ADAM22: variants seen among roughly 807,000 people sequenced by gnomAD.
ADAM22 encodes ADAM metallopeptidase domain 22, also known as disintegrin and metalloproteinase domain-containing protein 22.
ADAM22 carries 65 observed loss-of-function variants against 144.6 expected under a neutral mutation model. The observed-to-expected ratio is 0.45, with a 90% CI of 0.37 to 0.55. ADAM22 has a LOEUF of 0.55. Ranked by LOEUF, ADAM22 falls within the 20% of genes least tolerant of loss-of-function variation. The probability of loss-of-function intolerance (pLI) is 0.00; values close to 1 mark genes in which losing one functional copy is unlikely to be tolerated. For synonymous variants in ADAM22, 391 were observed against 412.6 expected (o/e 0.95, Z 0.63); for missense variants, 974 against 1,184.9 (o/e 0.82, Z 2.61).
rs1056634922 is a variant in ADAM22, at chr7:88,202,388, A to C, written c.*5897A>C. 2.0e-5 allele frequency: 3 copies of C among 152,174 alleles called. No homozygotes were observed. Among genetic ancestry groups the C allele is most frequent in the Non-Finnish European group, 4.4e-5 (3 of 68,042 alleles). 9.4% of individuals were successfully genotyped at this position (152,174 alleles called of 1,614,324 possible). A position where few individuals can be genotyped will look rare whatever the true frequency, so the allele number is the denominator to read the frequency against. On this transcript the variant is annotated 3_prime_UTR_variant, in exon 32 of 32. Transcript: ENST00000413139. Reference sequence around the variant, plus strand: ...GTTTTACCTAAACATAGTAGCTTACATGTTAGCCAGCAGTAGGTCGGCACT... The same window carrying C: ...GTTTTACCTAAACATAGTAGCTTACCTGTTAGCCAGCAGTAGGTCGGCACT...
chr7:88,116,630 C>T, intron 6 of ADAM22, 115 bp from the exon 7 acceptor site: 1 of 783,570 alleles, frequency 1.3e-6, no homozygotes, highest in South Asian at 1.7e-5. Context: ...CTCTCTAAAC[C>T]CAGGAGAATG....
chr7:88,163,233 A>G, intron 23 of ADAM22, 53 bp downstream of exon 23: 3 of 1,444,684 alleles, frequency 2.1e-6, no homozygotes, highest in Non-Finnish European at 2.8e-6. Context: ...ACAGAAATAG[A>G]CAGGACCCTA....
chr7:87,953,414 A>C (rs1268955371), intron 2 of ADAM22, among the ~76,000 whole-genome samples: 1 of 152,186 alleles, frequency 6.6e-6, no homozygotes. Context: ...GTAGTCATTC[A>C]GGAGCAGGTT....
intron 3 of ADAM22, among the ~76,000 whole-genome samples, chr7:87,986,937 T>G (rs933487959): frequency 1.3e-5 from 2 of 152,190 alleles, no homozygotes; most frequent in Admixed American, 1.3e-4. Flanking sequence ...ATACATACTA[T>G]TTTTATATTT....
At chr7:88,116,022 A>C (rs765578305) in intron 6 of ADAM22, among the ~76,000 whole-genome samples, 2 of 152,224 alleles carry the variant, frequency 1.3e-5, no homozygotes, top group Non-Finnish European at 2.9e-5. Context: ...AGAAACATGC[A>C]TGGCTTTGTC....
intron 2 of ADAM22, among the ~76,000 whole-genome samples, chr7:87,965,221 T>TTGAC (rs1215189743): frequency 6.6e-6 from 1 of 152,238 alleles, no homozygotes; most frequent in Non-Finnish European, 1.5e-5. Flanking sequence ...TCTCTGGTGT[T>TTGAC]TGACAGTCAA....
chr7:87,985,629 AT>A (rs1211665140), intron 3 of ADAM22, among the ~76,000 whole-genome samples: 3 of 152,144 alleles, frequency 2.0e-5, no homozygotes, highest in African/African-American at 4.8e-5. Context: ...CATCCATGCT[AT>A]ATGTGTCAGT....
chr7:88,034,915 A>G (rs555962158), intron 3 of ADAM22, among the ~76,000 whole-genome samples: 13 of 152,220 alleles, frequency 8.5e-5, no homozygotes, highest in Admixed American at 2.6e-4. Context: ...GCTGTTGGCA[A>G]TTGAAGACTG....
intron 3 of ADAM22, among the ~76,000 whole-genome samples, chr7:87,982,966 C>A (rs1344174045): frequency 6.6e-6 from 1 of 151,728 alleles, no homozygotes; most frequent in African/African-American, 2.4e-5. Context: ...GCTGGGATTA[C>A]AAGTATGAGC....
chr7:88,141,213 G>A (rs1318182612), intron 14 of ADAM22, among the ~76,000 whole-genome samples: 2 of 152,192 alleles, frequency 1.3e-5, no homozygotes, highest in Non-Finnish European at 2.9e-5. Flanking sequence ...GAAAGAGCAG[G>A]CTGCAAGGCA....
intron 14 of ADAM22, among the ~76,000 whole-genome samples, chr7:88,141,298 A>C (rs577179396): frequency 6.6e-6 from 1 of 152,344 alleles, no homozygotes; most frequent in African/African-American, 2.4e-5. Flanking sequence ...TTGTCTGCTT[A>C]GAGGAAGTGG....
chr7:88,095,543 G>T (rs2282957), intron 4 of ADAM22, among the ~76,000 whole-genome samples: 84,056 of 151,820 alleles, frequency 0.55, 24,345 homozygotes, highest in East Asian at 0.88. Flanking sequence ...CCTTATAATC[G>T]GCTTGCCTGA....
At chr7:88,067,359 C>T (rs560489116) in intron 3 of ADAM22, among the ~76,000 whole-genome samples, 1 of 151,658 alleles carries the variant, frequency 6.6e-6, no homozygotes, top group African/African-American at 2.4e-5. Context: ...ACTCGTCATT[C>T]AGCATTAGGT....
At chr7:87,985,054 G>T (rs376743984) in intron 3 of ADAM22, among the ~76,000 whole-genome samples, 1 of 150,374 alleles carries the variant, frequency 6.7e-6, no homozygotes. Context: ...TGGCTCACGC[G>T]TGTAATCCCA....
At chr7:88,023,830 C>T (rs1219592794) in intron 3 of ADAM22, among the ~76,000 whole-genome samples, 1 of 151,786 alleles carries the variant, frequency 6.6e-6, no homozygotes, top group Non-Finnish European at 1.5e-5. Context: ...CCCACTTCCC[C>T]CCTACCCTCC....
intron 15 of ADAM22, 137 bp from the exon 16 acceptor site, chr7:88,144,988 T>G: frequency 1.5e-6 from 1 of 666,860 alleles, no homozygotes; most frequent in South Asian, 2.2e-5. Context: ...AGCTCATGCT[T>G]TCTAGTTTAG....
At chr7:88,174,515 T>C (rs536968567) in intron 26 of ADAM22, among the ~76,000 whole-genome samples, 1 of 152,304 alleles carries the variant, frequency 6.6e-6, no homozygotes, top group South Asian at 2.1e-4. Flanking sequence ...GTTGATATTA[T>C]TGTTTATATT....
Position 88,046,104 on chromosome 7 carries a change from A to G in ADAM22, c.324-29522A>G, listed in dbSNP as rs151308146. 2.0e-5 allele frequency among the ~76,000 whole-genome samples: 3 copies of G among 152,250 alleles called. No homozygotes were observed. The East Asian group carries it at 5.8e-4, about 29-fold the overall frequency. ...CCCAGAAGGGGGAGTGCTGGATCAT[A>G]TCATAGTTCTATTTTTAATTCTTGG... On this transcript the variant is annotated intron_variant, in intron 3 of 31. Transcript: ENST00000413139.
chr7:88,059,484 A>AC (rs1349308011), intron 3 of ADAM22, among the ~76,000 whole-genome samples: 1 of 152,228 alleles, frequency 6.6e-6, no homozygotes, highest in Non-Finnish European at 1.5e-5. Context: ...GCCTCAATAC[A>AC]GCAAATATCA....
Sources: allele counts gnomAD v4.1 joint callset (sites outside exome capture counted in the v4.1 genomes callset), GRCh38; gene constraint gnomAD v4.1.1; transcripts MANE v1.5; gene names NCBI Gene and HGNC (gene_info 2026-07-23, HGNC 2026-07-21).